The following CEP63 variants were observed in gnomAD, a reference collection of about 807,000 sequenced individuals.
CEP63 encodes the protein centrosomal protein of 63 kDa.
Under a neutral mutation model 89.1 loss-of-function variants are expected in CEP63, and 84 were observed. The observed-to-expected ratio is 0.94, with a 90% CI of 0.79 to 1.13. The LOEUF (loss-of-function observed/expected upper bound fraction) is 1.13. CEP63 is among the 50% of genes most tolerant of loss of function. CEP63 has a pLI of 0.00. For synonymous variants in CEP63, 267 were observed against 272.5 expected (o/e 0.98, Z 0.20); for missense variants, 838 against 813.3 (o/e 1.03, Z -0.37).
At chr3:134,603,411 G>T in the CEP63 span, 1 of 625,396 alleles carries the variant, frequency 1.6e-6, no homozygotes, top group Non-Finnish European at 2.7e-6. Context: ...GAAGCCTTCA[G>T]AACACAAAGA....
the CEP63 span, among the ~76,000 whole-genome samples, chr3:134,708,938 G>T: frequency 6.6e-6 from 1 of 152,042 alleles, no homozygotes; most frequent in South Asian, 2.1e-4. Flanking sequence ...AGATTAAGGA[G>T]TTTCCTGGGA....
At chr3:134,770,804 A>G in the CEP63 span, among the ~76,000 whole-genome samples, 1 of 152,158 alleles carries the variant, frequency 6.6e-6, no homozygotes, top group African/African-American at 2.4e-5. Context: ...TGGATAAGTA[A>G]TAGTATCATC....
At chr3:134,760,548 G>A in the CEP63 span, among the ~76,000 whole-genome samples, 1 of 152,208 alleles carries the variant, frequency 6.6e-6, no homozygotes, top group African/African-American at 2.4e-5. Flanking sequence ...TTATGGGGAA[G>A]TAAATGTGGT....
chr3:134,777,873 C>T, the CEP63 span, among the ~76,000 whole-genome samples: 4 of 151,676 alleles, frequency 2.6e-5, no homozygotes, highest in Non-Finnish European at 5.9e-5. Flanking sequence ...CCTCGGTCTC[C>T]CAAAGTGCTG....
intron 2 of CEP63, among the ~76,000 whole-genome samples, chr3:134,501,570 A>T (rs1224256758): frequency 6.6e-6 from 1 of 151,038 alleles, no homozygotes; most frequent in Non-Finnish European, 1.5e-5. Flanking sequence ...GTATTCTTAG[A>T]TTTTTTTTTA....
chr3:134,604,421 A>C, the CEP63 span: 2 of 1,613,920 alleles, frequency 1.2e-6, no homozygotes, highest in Non-Finnish European at 1.7e-6. Context: ...TTGAGCATGA[A>C]CATGAACAGC....
the CEP63 span, chr3:134,610,627 C>T: frequency 2.1e-6 from 1 of 469,892 alleles, no homozygotes; most frequent in African/African-American, 2.0e-5. Context: ...GCTGTCTGCT[C>T]CTCCCCTGAG....
intron 9 of CEP63, among the ~76,000 whole-genome samples, chr3:134,548,402 C>G (rs1027551425): frequency 2.0e-5 from 3 of 152,196 alleles, no homozygotes; most frequent in African/African-American, 7.2e-5. Flanking sequence ...TGAATCCTGA[C>G]TAATGCTATA....
chr3:134,567,193 T>G (rs1404079346), downstream of CEP63, among the ~76,000 whole-genome samples: 1 of 150,486 alleles, frequency 6.6e-6, no homozygotes, highest in Non-Finnish European at 1.5e-5. Context: ...TCCATTTACA[T>G]GAATTGCCCA....
At chr3:134,609,096 A>T in the CEP63 span, among the ~76,000 whole-genome samples, 1 of 152,154 alleles carries the variant, frequency 6.6e-6, no homozygotes, top group African/African-American at 2.4e-5. Context: ...TCGAGGGGAA[A>T]ACTGACTGCC....
chr3:134,746,074 C>CT, the CEP63 span, among the ~76,000 whole-genome samples: 1 of 151,754 alleles, frequency 6.6e-6, no homozygotes, highest in Admixed American at 6.6e-5. Context: ...CACCACCCCC[C>CT]CCACCCCATG....
chr3:134,609,864 GA>G, the CEP63 span, among the ~76,000 whole-genome samples: 1 of 152,226 alleles, frequency 6.6e-6, no homozygotes, highest in East Asian at 1.9e-4. Context: ...GTCTGGAAGG[GA>G]ACCTGCCAAC....
At chr3:134,610,673 C>A in the CEP63 span, 2 of 311,178 alleles carry the variant, frequency 6.4e-6, no homozygotes, top group Admixed American at 4.9e-5. Context: ...AAATGTTCAT[C>A]CCTAGAGCCT....
chr3:134,537,120 C>A, intron 5 of CEP63, 35 bp from the exon 6 acceptor site: 1 of 1,255,748 alleles, frequency 8.0e-7, no homozygotes, highest in Non-Finnish European at 1.2e-6. Context: ...TGAGGAGAAG[C>A]ACTCAGAAAT....
the CEP63 span, among the ~76,000 whole-genome samples, chr3:134,627,273 C>A: frequency 6.6e-6 from 1 of 152,136 alleles, no homozygotes; most frequent in South Asian, 2.1e-4. Context: ...AAGTATGGAG[C>A]TGCACCCCGC....
chr3:134,612,856 G>C, the CEP63 span: 1 of 150,398 alleles, frequency 6.6e-6, no homozygotes, highest in Admixed American at 6.6e-5. Context: ...GGCACAAAAG[G>C]CACCTGATCT....
chr3:134,649,948 C>T, the CEP63 span, among the ~76,000 whole-genome samples: 1 of 152,192 alleles, frequency 6.6e-6, no homozygotes, highest in African/African-American at 2.4e-5. Flanking sequence ...TCAGGCCTAA[C>T]TCCTAAAGAA....
At chr3:134,536,933 G>T in intron 5 of CEP63, 1 of 525,918 alleles carries the variant, frequency 1.9e-6, no homozygotes, top group South Asian at 1.9e-5. Flanking sequence ...CTCACCATCA[G>T]GGTGTTAAAT....
chr3:134,516,599 G>A (rs890899847), intron 3 of CEP63, among the ~76,000 whole-genome samples: 4 of 152,160 alleles, frequency 2.6e-5, no homozygotes, highest in Non-Finnish European at 4.4e-5. Flanking sequence ...AGGTCCCTGC[G>A]GCATTTGTGT....
Sources: allele counts gnomAD v4.1 joint callset (sites outside exome capture counted in the v4.1 genomes callset), GRCh38; gene constraint gnomAD v4.1.1; transcripts MANE v1.5; gene names NCBI Gene and HGNC (gene_info 2026-07-23, HGNC 2026-07-21).